Variants in SDK1 observed in about 807,000 individuals in gnomAD.
The protein encoded by SDK1 is sidekick cell adhesion molecule 1, also known as protein sidekick-1.
SDK1 carries 157 observed loss-of-function variants against 245.5 expected under a neutral mutation model. The observed-to-expected ratio is 0.64, with a 90% CI of 0.56 to 0.73. The LOEUF (loss-of-function observed/expected upper bound fraction) is 0.73. Among genes scored for constraint, SDK1 ranks in the 30% least tolerant of loss-of-function variants. The pLI is 0.00. For synonymous variants in SDK1, 1,647 were observed against 1,278.5 expected (o/e 1.29, Z -6.15); for missense variants, 3,583 against 3,002.3 (o/e 1.19, Z -4.52).
chr7:3,903,393 A>G (rs149416425), intron 5 of SDK1, among the ~76,000 whole-genome samples: 1,525 of 151,840 alleles, frequency 0.01, 19 homozygotes, highest in African/African-American at 0.027. Context: ...TGATCCGCCC[A>G]CCTCGGCCTC....
chr7:3,742,187 C>G lies in SDK1; in HGVS notation c.714-79263C>G, dbSNP rs111322326. Among the ~76,000 whole-genome samples, 671 of 151,300 alleles carry G rather than the reference C, an allele frequency of 4.4e-3. 10 individuals carry two copies. Among genetic ancestry groups the G allele is most frequent in the African/African-American group, 0.015 (618 of 41,166 alleles). ...TGCCCTTCTTTCTTCCCTTTCCTCCCCAATGTTTTCCGTATCTCTGGCAAA... is the reference window on the plus strand; with the variant it reads ...TGCCCTTCTTTCTTCCCTTTCCTCCGCAATGTTTTCCGTATCTCTGGCAAA... On this transcript the variant is annotated intron_variant, in intron 4 of 44. Coordinates refer to ENST00000404826, the MANE Select transcript of SDK1 (RefSeq NM_152744.4).
chr7:3,687,056 A>AAAACACACACACACACACAC (rs758259836), intron 4 of SDK1, among the ~76,000 whole-genome samples: 56 of 135,248 alleles, frequency 4.1e-4, no homozygotes, highest in South Asian at 1.2e-3. Context: ...ATAGCATCAA[A>AAAACACACACACACACACAC]ACACACACAC....
intron 5 of SDK1, among the ~76,000 whole-genome samples, chr7:3,870,694 A>G (rs1780934411): frequency 6.6e-6 from 1 of 152,216 alleles, no homozygotes; most frequent in Non-Finnish European, 1.5e-5. Context: ...GTATATAACC[A>G]TAATAAATTT....
At chr7:4,264,989 G>C in intron 44 of SDK1, 135 bp from the exon 45 acceptor site, 1 of 1,372,454 alleles carries the variant, frequency 7.3e-7, no homozygotes, top group Non-Finnish European at 9.7e-7. Flanking sequence ...CTGGCATTGG[G>C]TTGGGGTGGG....
At chr7:3,930,131 C>T (rs1377981092) in intron 5 of SDK1, among the ~76,000 whole-genome samples, 1 of 152,172 alleles carries the variant, frequency 6.6e-6, no homozygotes, top group Non-Finnish European at 1.5e-5. Context: ...CATTTAGGTC[C>T]TGATTCGATG....
At chr7:3,623,992 C>A (rs937071700) in intron 2 of SDK1, among the ~76,000 whole-genome samples, 1 of 151,996 alleles carries the variant, frequency 6.6e-6, no homozygotes, top group African/African-American at 2.4e-5. Flanking sequence ...AAAAGGCAAA[C>A]ATTTCACAGT....
At chr7:4,182,944 G>A (rs1272284505) in intron 35 of SDK1, among the ~76,000 whole-genome samples, 5 of 152,246 alleles carry the variant, frequency 3.3e-5, no homozygotes, top group African/African-American at 1.2e-4. Flanking sequence ...AGTCAAAACA[G>A]AGTTTAATTA....
chr7:4,152,800 C>A (rs892926454), intron 30 of SDK1, among the ~76,000 whole-genome samples: 1 of 152,176 alleles, frequency 6.6e-6, no homozygotes, highest in African/African-American at 2.4e-5. Context: ...CTGTGAGTAT[C>A]CAGAAAACAT....
intron 35 of SDK1, 54 bp downstream of exon 35, chr7:4,178,640 A>G (rs1247460278): frequency 1.6e-6 from 2 of 1,277,514 alleles, no homozygotes; most frequent in African/African-American, 2.9e-5. Flanking sequence ...AGTGGTGGGG[A>G]CAGCCAGGCA....
chr7:3,384,035 A>T (rs1405497731), intron 1 of SDK1, among the ~76,000 whole-genome samples: 1 of 152,172 alleles, frequency 6.6e-6, no homozygotes, highest in Non-Finnish European at 1.5e-5. Flanking sequence ...TGAAGCTTGT[A>T]AGTTAAATTT....
chr7:3,379,441 G>C (rs960489011), intron 1 of SDK1, among the ~76,000 whole-genome samples: 1 of 152,196 alleles, frequency 6.6e-6, no homozygotes, highest in Non-Finnish European at 1.5e-5. Flanking sequence ...AAGAAAAGGA[G>C]TGACTCAGTG....
chr7:3,999,911 C>T (rs1051524875), intron 14 of SDK1, among the ~76,000 whole-genome samples: 4 of 152,082 alleles, frequency 2.6e-5, no homozygotes, highest in Admixed American at 6.5e-5. Flanking sequence ...CAGAGAGGGA[C>T]CAAATGATGC....
chr7:3,618,905 G>C (rs1046485789), intron 1 of SDK1, among the ~76,000 whole-genome samples, 175 bp from the exon 2 acceptor site: 1 of 152,078 alleles, frequency 6.6e-6, no homozygotes, highest in Admixed American at 6.6e-5. Flanking sequence ...ATATTATCTG[G>C]GGTATTGCAT....
chr7:3,506,241 G>A (rs1782389041), intron 1 of SDK1, among the ~76,000 whole-genome samples: 1 of 151,910 alleles, frequency 6.6e-6, no homozygotes, highest in Non-Finnish European at 1.5e-5. Flanking sequence ...CATTTTCATT[G>A]TATGTAGGAT....
intron 4 of SDK1, among the ~76,000 whole-genome samples, chr7:3,691,102 G>A (rs575025874): frequency 6.6e-6 from 1 of 152,248 alleles, no homozygotes; most frequent in South Asian, 2.1e-4. Context: ...CATTTGACAG[G>A]AAGCTTACCA....
At chr7:3,521,366 G>T (rs1255137420) in intron 1 of SDK1, among the ~76,000 whole-genome samples, 2 of 152,148 alleles carry the variant, frequency 1.3e-5, no homozygotes, top group African/African-American at 4.8e-5. Flanking sequence ...ATGGGTTCCA[G>T]GGATCCGGAA....
intron 1 of SDK1, among the ~76,000 whole-genome samples, chr7:3,580,407 A>G (rs1440824758): frequency 6.6e-6 from 1 of 152,220 alleles, no homozygotes; most frequent in East Asian, 1.9e-4. Flanking sequence ...GCAGGGCTAC[A>G]GTAACCAGAA....
chr7:3,567,969 A>C (rs1012679219), intron 1 of SDK1, among the ~76,000 whole-genome samples: 10 of 152,106 alleles, frequency 6.6e-5, no homozygotes, highest in African/African-American at 2.4e-4. Context: ...GGTATGCACA[A>C]CCATGCCTGG....
chr7:3,528,122 C>T (rs540570410), intron 1 of SDK1, among the ~76,000 whole-genome samples: 2 of 136,896 alleles, frequency 1.5e-5, no homozygotes, highest in South Asian at 5.0e-4. Context: ...GGATCATAGC[C>T]AGCTACGGGG....
Sources: allele counts gnomAD v4.1 joint callset (sites outside exome capture counted in the v4.1 genomes callset), GRCh38; gene constraint gnomAD v4.1.1; transcripts MANE v1.5; gene names NCBI Gene and HGNC (gene_info 2026-07-23, HGNC 2026-07-21).